Variants in NAA50 observed in about 807,000 individuals in gnomAD.
NAA50 encodes N-alpha-acetyltransferase 50, NatE catalytic subunit.
A neutral mutation model predicts 20.7 loss-of-function variants in NAA50; 7 were observed. The ratio of observed to expected loss-of-function variants is 0.34; its 90% CI spans 0.19 to 0.63. The LOEUF is 0.63. Among genes scored for constraint, NAA50 ranks in the 30% least tolerant of loss-of-function variants. The pLI is 0.75. For synonymous variants in NAA50, 54 were observed against 70.6 expected, an observed-to-expected ratio of 0.77 and a Z score of 1.18; for missense variants, 111 against 199.1, an observed-to-expected ratio of 0.56 and a Z score of 2.66.
At chr3:113,725,480 A>C (rs1228875061) in intron 1 of NAA50, among the ~76,000 whole-genome samples, 1 of 151,234 alleles carries the variant, frequency 6.6e-6, no homozygotes, top group Non-Finnish European at 1.5e-5. Context: ...AAACAGAAAC[A>C]AAAAAAAACA....
At chr3:113,728,231 T>C (rs542832514) in intron 1 of NAA50, among the ~76,000 whole-genome samples, 2 of 152,316 alleles carry the variant, frequency 1.3e-5, no homozygotes, top group South Asian at 2.1e-4. Flanking sequence ...ACTAACCTAA[T>C]GGAGATTTAA....
chr3:113,733,660 T>G (rs555478281), intron 1 of NAA50, among the ~76,000 whole-genome samples: 2 of 152,026 alleles, frequency 1.3e-5, no homozygotes, highest in East Asian at 3.9e-4. Flanking sequence ...AAGACCAGCC[T>G]GGCCAACATG....
At chr3:113,723,049 G>C in intron 3 of NAA50, 77 bp from the exon 4 acceptor site, 3 of 1,431,044 alleles carry the variant, frequency 2.1e-6, no homozygotes, top group Non-Finnish European at 1.9e-6. Flanking sequence ...CTTGCCATCT[G>C]AACTACTTAT....
At chr3:113,740,314 T>C (rs976357595) in intron 1 of NAA50, among the ~76,000 whole-genome samples, 1 of 152,228 alleles carries the variant, frequency 6.6e-6, no homozygotes, top group Non-Finnish European at 1.5e-5. Flanking sequence ...AAATCTGCAG[T>C]AGATCCACAT....
chr3:113,745,838 G>A (rs1485374035), intron 1 of NAA50, 104 bp downstream of exon 1: 4 of 1,337,844 alleles, frequency 3.0e-6, no homozygotes, highest in African/African-American at 3.0e-5. Context: ...CCCTCCGCCC[G>A]TCTTCGCCCT....
chr3:113,745,911 G>A (rs758507251), intron 1 of NAA50, 31 bp downstream of exon 1: 4 of 1,600,112 alleles, frequency 2.5e-6, no homozygotes, highest in African/African-American at 1.3e-5. Flanking sequence ...CTACCCCACC[G>A]GCCGGGCCCT....
intron 1 of NAA50, among the ~76,000 whole-genome samples, chr3:113,728,056 T>C (rs545525896): frequency 6.9e-6 from 1 of 145,690 alleles, no homozygotes; most frequent in Non-Finnish European, 1.5e-5. Context: ...CTTGTAAATA[T>C]AAGTTAGCAA....
chr3:113,723,329 T>G (rs879039196), intron 3 of NAA50, 93 bp downstream of exon 3: 2 of 1,272,340 alleles, frequency 1.6e-6, no homozygotes, highest in South Asian at 3.3e-5. Context: ...CAGTATTCCT[T>G]AAAAAGACCC....
chr3:113,724,096 C>T lies in NAA50; in HGVS notation c.9-1G>A. ...CACATCTCCCAGCTCGATCCGGCTA[C>T]TGGAACAAATCAAAATGTACTCAAT... On this transcript the variant is annotated splice_acceptor_variant, in intron 1 of 4. Transcript: ENST00000240922. LOFTEE classifies it high-confidence loss of function. 6.4e-7 allele frequency: 1 copy of T among 1,568,336 alleles called. No individual in the cohort carries two copies. The highest frequency in any genetic ancestry group is 8.6e-7 in the Non-Finnish European group (1 of 1,156,174).
chr3:113,732,772 T>C (rs1200472689), intron 1 of NAA50, among the ~76,000 whole-genome samples: 3 of 152,242 alleles, frequency 2.0e-5, no homozygotes, highest in African/African-American at 2.4e-5. Flanking sequence ...AAGGACACTA[T>C]TTAAAATCAC....
At chr3:113,736,250 A>G (rs1708340011) in intron 1 of NAA50, among the ~76,000 whole-genome samples, 1 of 152,212 alleles carries the variant, frequency 6.6e-6, no homozygotes, top group Non-Finnish European at 1.5e-5. Context: ...CATAACAATC[A>G]AACCCCAAGG....
At chr3:113,741,464 G>A (rs1446227864) in intron 1 of NAA50, among the ~76,000 whole-genome samples, 2 of 152,160 alleles carry the variant, frequency 1.3e-5, no homozygotes, top group Non-Finnish European at 2.9e-5. Context: ...GTTACTGCAG[G>A]CTGCATTTAA....
At chr3:113,742,003 TAGAG>T (rs1262893463) in intron 1 of NAA50, among the ~76,000 whole-genome samples, 3 of 152,182 alleles carry the variant, frequency 2.0e-5, no homozygotes, top group African/African-American at 4.8e-5. Context: ...TCTTTTATAT[TAGAG>T]AGAACAGTAC....
intron 1 of NAA50, among the ~76,000 whole-genome samples, chr3:113,727,846 G>C (rs1577068654): frequency 6.6e-6 from 1 of 151,932 alleles, no homozygotes; most frequent in Admixed American, 6.6e-5. Flanking sequence ...TTTGATTTTT[G>C]CAAGAAACAA....
rs1436319109 is a variant in NAA50, at chr3:113,746,020, G to A, written c.-71C>T. On this transcript the variant is annotated 5_prime_UTR_variant, in exon 1 of 5. Coordinates refer to ENST00000240922, the MANE Select transcript of NAA50 (RefSeq NM_025146.4). ...TCGTAGTCGCCGCCCTTAGGTCTCC[G>A]CACCCTTAGCTCGGGCCACTCAACC... The A allele has an allele frequency of 2.5e-6, 4 of 1,587,474 alleles. No homozygotes were observed. Among genetic ancestry groups the A allele is most frequent in the South Asian group, 2.2e-5 (2 of 89,196 alleles).
chr3:113,739,171 G>T (rs924345692), intron 1 of NAA50, among the ~76,000 whole-genome samples: 6 of 152,218 alleles, frequency 3.9e-5, no homozygotes, highest in African/African-American at 7.2e-5. Flanking sequence ...AAGACAACTT[G>T]TAAGGAAGCT....
chr3:113,730,605 G>C (rs1453652686), intron 1 of NAA50, among the ~76,000 whole-genome samples: 1 of 152,034 alleles, frequency 6.6e-6, no homozygotes, highest in Non-Finnish European at 1.5e-5. Flanking sequence ...ACCCTTTAAA[G>C]TTCAACTCCC....
chr3:113,740,665 A>G (rs1483817267), intron 1 of NAA50, among the ~76,000 whole-genome samples: 1 of 152,144 alleles, frequency 6.6e-6, no homozygotes, highest in African/African-American at 2.4e-5. Context: ...TGTGAGCCAC[A>G]GTACCCAGCT....
At chr3:113,722,780 T>C (rs1359811430) in intron 4 of NAA50, 126 bp downstream of exon 4, 2 of 1,150,334 alleles carry the variant, frequency 1.7e-6, no homozygotes, top group South Asian at 1.6e-5. Flanking sequence ...CTCGAATACT[T>C]TGTAACAACT....
Sources: gnomAD v4.1 joint callset for allele counts (sites outside exome capture counted in the v4.1 genomes callset) on GRCh38, gnomAD v4.1.1 for gene constraint, MANE v1.5 for transcripts, NCBI Gene and HGNC (gene_info 2026-07-23, HGNC 2026-07-21) for gene names.